Variants in FAM20A observed in about 807,000 individuals in gnomAD.
The protein encoded by FAM20A is FAM20A golgi associated secretory pathway pseudokinase.
In FAM20A, 42 loss-of-function variants were observed where a neutral mutation model predicts 52.0. That is an observed-to-expected ratio of 0.81 (90% CI 0.63 to 1.04). The LOEUF is 1.04. Ranked by LOEUF, FAM20A falls within the 50% of genes least tolerant of loss-of-function variation. The pLI is 0.00. For missense variants in FAM20A, 742 were observed against 712.7 expected (o/e 1.04, Z -0.47); for synonymous variants, 304 against 298.9 (o/e 1.02, Z -0.18).
intron 1 of FAM20A, among the ~76,000 whole-genome samples, chr17:68,594,877 C>A (rs554489091): frequency 6.6e-6 from 1 of 152,314 alleles, no homozygotes; most frequent in South Asian, 2.1e-4. Flanking sequence ...TCACGCTAAC[C>A]AGATAATCTC....
At chr17:68,584,150 C>T (rs2088096859) in intron 1 of FAM20A, among the ~76,000 whole-genome samples, 1 of 151,886 alleles carries the variant, frequency 6.6e-6, no homozygotes, top group African/African-American at 2.4e-5. Context: ...AACCCTGCCT[C>T]TACTAAAAAT....
intron 1 of FAM20A, among the ~76,000 whole-genome samples, chr17:68,572,570 A>G (rs2087595130): frequency 6.6e-6 from 1 of 151,690 alleles, no homozygotes; most frequent in Non-Finnish European, 1.5e-5. Flanking sequence ...TCATTTCTGA[A>G]ACCTCAGCAC....
At chr17:68,597,323 G>A (rs2088481988) in intron 1 of FAM20A, among the ~76,000 whole-genome samples, 1 of 151,916 alleles carries the variant, frequency 6.6e-6, no homozygotes. Flanking sequence ...CTGGTGTGGT[G>A]GACAGTTTGC....
At chr17:68,572,040 A>G (rs1412877529) in intron 1 of FAM20A, among the ~76,000 whole-genome samples, 3 of 111,980 alleles carry the variant, frequency 2.7e-5, no homozygotes, top group South Asian at 5.9e-4. Flanking sequence ...ATATATATAT[A>G]TGTAGCAGGG....
rs925523760 is a variant in FAM20A, at chr17:68,537,084, T to C, written c.*393A>G. ...TTTTGTCTGGACCAGGAGTTATCTT[T>C]GACTTGTAGCTAGAATAAGGATCCT... On this transcript the variant is annotated 3_prime_UTR_variant, in exon 11 of 11. Coordinates refer to ENST00000592554, the MANE Select transcript of FAM20A (RefSeq NM_017565.4). The surrounding 1 kb of genome is among the most constrained non-coding windows in gnomAD (Gnocchi z 4.2). The C allele has an allele frequency of 2.2e-6, 1 of 461,900 alleles. No homozygotes were observed. The highest frequency in any genetic ancestry group is 2.0e-5 in the African/African-American group (1 of 50,416). The allele number at this position is 461,900 out of a possible 1,614,324, so 28.6% of individuals were successfully genotyped here.
At chr17:68,596,124 C>G (rs1393798044) in intron 1 of FAM20A, among the ~76,000 whole-genome samples, 2 of 151,988 alleles carry the variant, frequency 1.3e-5, no homozygotes, top group South Asian at 4.1e-4. Flanking sequence ...AAGAGAGACC[C>G]AGGACTAGGT....
chr17:68,581,624 G>A (rs562879059), intron 1 of FAM20A, among the ~76,000 whole-genome samples: 1,505 of 140,322 alleles, frequency 0.011, 13 homozygotes, highest in Middle Eastern at 0.018. Flanking sequence ...TGCCCAGGCT[G>A]GAGTTCAGTG....
intron 1 of FAM20A, chr17:68,558,434 G>A (rs1451658637): frequency 1.2e-4 from 44 of 375,796 alleles, no homozygotes; most frequent in Non-Finnish European, 5.4e-6. Context: ...ACATAGGGGT[G>A]GGTCCCTCAT....
chr17:68,554,930 C>G, intron 2 of FAM20A, 103 bp from the exon 3 acceptor site: 2 of 1,234,638 alleles, frequency 1.6e-6, no homozygotes, highest in East Asian at 2.4e-5. Flanking sequence ...AGAGGGGAGA[C>G]TGTGATGTAG....
At chr17:68,550,900 G>A (rs1039408438) in intron 4 of FAM20A, among the ~76,000 whole-genome samples, 6 of 152,198 alleles carry the variant, frequency 3.9e-5, no homozygotes, top group Non-Finnish European at 8.8e-5. Context: ...CTCTTTATTC[G>A]GTGCTTATTC....
intron 1 of FAM20A, among the ~76,000 whole-genome samples, chr17:68,584,837 C>A (rs2088123341): frequency 6.6e-6 from 1 of 152,194 alleles, no homozygotes. Flanking sequence ...TGGCTGACTT[C>A]CCCTGCCTTT....
At chr17:68,559,499 A>G (rs1303809090) in intron 1 of FAM20A, among the ~76,000 whole-genome samples, 1 of 152,264 alleles carries the variant, frequency 6.6e-6, no homozygotes, top group Non-Finnish European at 1.5e-5. Context: ...AACCTTAGTT[A>G]CAAATCACAT....
In FAM20A at chr17:68,601,063, G is replaced by A. The variant is rs1199048516; in HGVS notation, c.-397C>T. The A allele has an allele frequency of 6.6e-6, 1 of 151,228 alleles. No homozygotes were observed. Among genetic ancestry groups the A allele is most frequent in the African/African-American group, 2.4e-5 (1 of 41,292 alleles). The allele number at this position is 151,228 out of a possible 1,614,324, so 9.4% of individuals were successfully genotyped here. A position where few individuals can be genotyped will look rare whatever the true frequency, so the allele number is the denominator to read the frequency against. On this transcript the variant is annotated 5_prime_UTR_variant, in exon 1 of 11. Coordinates refer to ENST00000592554, the MANE Select transcript of FAM20A (RefSeq NM_017565.4). ...GGGCGACGGGGCGGGGGGCGACCGC[G>A]GAGGGCGGACGGAGGCCGCCGGCTG...
At chr17:68,581,480 TTCTTTCTTTTTC>T (rs1235221708) in intron 1 of FAM20A, among the ~76,000 whole-genome samples, 8 of 129,442 alleles carry the variant, frequency 6.2e-5, no homozygotes, top group South Asian at 2.4e-4. Flanking sequence ...CTTTCTTTCT[TTCTTTCTTTTTC>T]TTTCTTTCTT....
chr17:68,557,878 T>C (rs1478692799), intron 1 of FAM20A, among the ~76,000 whole-genome samples: 1 of 152,198 alleles, frequency 6.6e-6, no homozygotes, highest in Admixed American at 6.5e-5. Flanking sequence ...AGCAGGATTC[T>C]AAAACTGGCC....
chr17:68,594,683 G>A (rs2088406528), intron 1 of FAM20A, among the ~76,000 whole-genome samples: 1 of 152,204 alleles, frequency 6.6e-6, no homozygotes, highest in Admixed American at 6.5e-5. Flanking sequence ...TGTAGTCCCT[G>A]TTTCCTTGCT....
At chr17:68,581,392 T>TTCTTTCTTTCTTTCTTTC (rs1568774182) in intron 1 of FAM20A, among the ~76,000 whole-genome samples, 5 of 147,448 alleles carry the variant, frequency 3.4e-5, no homozygotes, top group African/African-American at 1.3e-4. Flanking sequence ...CTTTCTTTCT[T>TTCTTTCTTTCTTTCTTTC]TCTTTCTTTC....
chr17:68,600,248 G>T lies in FAM20A; in HGVS notation c.404+15C>A. Reference sequence around the variant, plus strand: ...CAGAGCGCCCGCTCTCCCGCGTCCCGGGCGGGGTCCTCACCTGTTCCAGCG... The same window carrying T: ...CAGAGCGCCCGCTCTCCCGCGTCCCTGGCGGGGTCCTCACCTGTTCCAGCG... On this transcript the variant is annotated intron_variant, in intron 1 of 10. Coordinates refer to ENST00000592554, the MANE Select transcript of FAM20A (RefSeq NM_017565.4). The surrounding 1 kb of genome is among the most constrained non-coding windows in gnomAD (Gnocchi z 6.2). 8 of 1,554,452 alleles carry T rather than the reference G, an allele frequency of 5.1e-6. No individual in the cohort carries two copies. The highest frequency in any genetic ancestry group is 6.1e-6 in the Non-Finnish European group (7 of 1,149,492).
chr17:68,582,580 A>G (rs139388591), intron 1 of FAM20A: 3 of 152,320 alleles, frequency 2.0e-5, no homozygotes, highest in African/African-American at 7.2e-5. Flanking sequence ...ATCAACTAGC[A>G]GTGGTCCTTT....
Sources: gnomAD v4.1 joint callset for allele counts (sites outside exome capture counted in the v4.1 genomes callset) on GRCh38, gnomAD v4.1.1 for gene constraint, Gnocchi (gnomAD v3.1) non-coding constraint, MANE v1.5 for transcripts, NCBI Gene and HGNC (gene_info 2026-07-23, HGNC 2026-07-21) for gene names.